The following PTPN14 variants were observed in gnomAD, a reference collection of about 807,000 sequenced individuals.
PTPN14 encodes the protein protein tyrosine phosphatase non-receptor type 14, also known as tyrosine-protein phosphatase non-receptor type 14.
Under a neutral mutation model 126.8 loss-of-function variants are expected in PTPN14, and 53 were observed. That is an observed-to-expected ratio of 0.42 (90% CI 0.34 to 0.53). PTPN14 has a LOEUF of 0.53. Among genes scored for constraint, PTPN14 ranks in the 20% least tolerant of loss-of-function variants. The pLI is 0.08. For synonymous variants in PTPN14, 630 were observed against 599.3 expected, an observed-to-expected ratio of 1.05 and a Z score of -0.75; for missense variants, 1,257 against 1,552.9, an observed-to-expected ratio of 0.81 and a Z score of 3.20.
At chr1:214,483,429 G>A (rs1400077939) in intron 1 of PTPN14, 31 of 1,302,686 alleles carry the variant, frequency 2.4e-5, no homozygotes, top group African/African-American at 1.9e-4. Flanking sequence ...TGGCCAGGGC[G>A]GGAGCGGGCG....
At chr1:214,363,177 T>G (rs142184360) in intron 18 of PTPN14, among the ~76,000 whole-genome samples, 1 of 152,364 alleles carries the variant, frequency 6.6e-6, no homozygotes, top group East Asian at 1.9e-4. Context: ...AACATTTCGC[T>G]CAAGCTTTGT....
chr1:214,374,620 G>C (rs569237982), intron 15 of PTPN14, among the ~76,000 whole-genome samples: 10 of 152,304 alleles, frequency 6.6e-5, no homozygotes, highest in South Asian at 2.1e-4. Flanking sequence ...TGGAACCCAG[G>C]GGGGAAAACA....
chr1:214,496,387 C>T (rs1183571318), intron 1 of PTPN14, among the ~76,000 whole-genome samples: 1 of 152,138 alleles, frequency 6.6e-6, no homozygotes, highest in Non-Finnish European at 1.5e-5. Flanking sequence ...AGCCAAGGTC[C>T]TCAGGGGCAA....
In PTPN14 at chr1:214,393,792, G is replaced by A; in HGVS notation, c.847-15C>T. 1 of 1,547,694 alleles carries A rather than the reference G, an allele frequency of 6.5e-7. No individual in the cohort carries two copies. Among genetic ancestry groups the A allele is most frequent in the Non-Finnish European group, 8.9e-7 (1 of 1,120,670 alleles). On this transcript the variant is annotated splice_polypyrimidine_tract_variant and intron_variant, in intron 9 of 18. Coordinates refer to ENST00000366956, the MANE Select transcript of PTPN14 (RefSeq NM_005401.5). ...TCGATATCATCCTTGGAAAAGAAGA[G>A]ACAGAGAAAAAAATAAACATTTGTT... is the stretch of plus-strand genomic sequence containing the variant.
chr1:214,536,629 T>A (rs1326738019), intron 1 of PTPN14, among the ~76,000 whole-genome samples: 1 of 150,536 alleles, frequency 6.6e-6, no homozygotes, highest in Non-Finnish European at 1.5e-5. Flanking sequence ...TACAAAAAAA[T>A]AAAAAATTAG....
At chr1:214,451,534 A>G (rs1660272676) in intron 3 of PTPN14, among the ~76,000 whole-genome samples, 1 of 152,086 alleles carries the variant, frequency 6.6e-6, no homozygotes, top group African/African-American at 2.4e-5. Flanking sequence ...GAATATTTCC[A>G]CGCTGCTAGA....
chr1:214,512,602 G>A (rs2102445824), intron 1 of PTPN14, among the ~76,000 whole-genome samples: 1 of 152,274 alleles, frequency 6.6e-6, no homozygotes, highest in South Asian at 2.1e-4. Context: ...TTTGCAAGAT[G>A]AAAATTTCTG....
At chr1:214,379,219 C>G (rs1163340261) in intron 13 of PTPN14, among the ~76,000 whole-genome samples, 1 of 152,298 alleles carries the variant, frequency 6.6e-6, no homozygotes, top group African/African-American at 2.4e-5. Flanking sequence ...ATTCATTTGA[C>G]TGACACAGAT....
intron 11 of PTPN14, among the ~76,000 whole-genome samples, chr1:214,387,684 A>C (rs1015303774): frequency 3.3e-5 from 5 of 151,742 alleles, no homozygotes; most frequent in African/African-American, 1.2e-4. Flanking sequence ...CAAAAAAAAA[A>C]AAAAAAAGAA....
At chr1:214,377,827 TG>T (rs902546765) in intron 14 of PTPN14, 131 bp downstream of exon 14, 2 of 1,151,708 alleles carry the variant, frequency 1.7e-6, no homozygotes, top group Non-Finnish European at 2.5e-6. Flanking sequence ...CAGTTATACC[TG>T]ATCTTCCTAA....
At chr1:214,451,696 C>T (rs1660275282) in intron 3 of PTPN14, 109 bp downstream of exon 3, 1 of 1,301,106 alleles carries the variant, frequency 7.7e-7, no homozygotes, top group Non-Finnish European at 1.1e-6. Context: ...CCACCACACA[C>T]CCGCACCCAC....
intron 3 of PTPN14, among the ~76,000 whole-genome samples, chr1:214,419,948 T>A (rs574850622): frequency 1.3e-5 from 2 of 152,264 alleles, no homozygotes; most frequent in East Asian, 1.9e-4. Flanking sequence ...CCTCCCTCCA[T>A]CCCTCTATCC....
chr1:214,425,783 C>T (rs1659648084), intron 3 of PTPN14, among the ~76,000 whole-genome samples: 1 of 152,104 alleles, frequency 6.6e-6, no homozygotes, highest in African/African-American at 2.4e-5. Flanking sequence ...TAGTTATTAA[C>T]AATGATAGCC....
At chr1:214,465,128 G>A (rs1398205420) in intron 1 of PTPN14, among the ~76,000 whole-genome samples, 171 bp from the exon 2 acceptor site, 3 of 151,376 alleles carry the variant, frequency 2.0e-5, no homozygotes, top group Admixed American at 6.7e-5. Flanking sequence ...CAGAGCCCAT[G>A]CCCTATGCCT....
chr1:214,422,483 C>A (rs972566216), intron 3 of PTPN14, among the ~76,000 whole-genome samples: 1 of 152,162 alleles, frequency 6.6e-6, no homozygotes, highest in Non-Finnish European at 1.5e-5. Flanking sequence ...TATGTCTTGA[C>A]TCATCAGCTC....
At position 214,397,993 on chromosome 1, in the gene PTPN14, A is replaced by G; in HGVS notation, c.678T>C (p.His226=). The change falls in exon 8 of 19, where the codon CAT becomes CAC. Residue 226 remains histidine, a synonymous_variant. Transcript: ENST00000366956. ...AAATGCCAAGGTGTACACAGTTTCC[A>G]TGATTGTCCTGGGTAAGACCAACAA... is the stretch of plus-strand genomic sequence containing the variant. ...GQEIFPVKDN[H]GNCVHLGIFF... is the part of the protein sequence containing the mutation. 9 of 1,611,248 alleles carry G rather than the reference A, an allele frequency of 5.6e-6. No individual in the cohort carries two copies. Among genetic ancestry groups the G allele is most frequent in the Non-Finnish European group, 7.6e-6 (9 of 1,177,452 alleles).
intron 1 of PTPN14, among the ~76,000 whole-genome samples, chr1:214,486,593 T>C (rs1298349175): frequency 6.6e-6 from 1 of 152,112 alleles, no homozygotes; most frequent in Admixed American, 6.6e-5. Context: ...AGGAACAAAG[T>C]TGCTAGACTA....
At chr1:214,526,189 C>A (rs893017914) in intron 1 of PTPN14, among the ~76,000 whole-genome samples, 2 of 152,082 alleles carry the variant, frequency 1.3e-5, no homozygotes, top group African/African-American at 4.8e-5. Context: ...TGGTCTCGAA[C>A]TCCTGACTTC....
At chr1:214,463,412 C>T (rs894278231) in intron 2 of PTPN14, among the ~76,000 whole-genome samples, 3 of 152,172 alleles carry the variant, frequency 2.0e-5, no homozygotes, top group Non-Finnish European at 4.4e-5. Context: ...TACATATATC[C>T]ATTGTCCAAG....
Sources: gnomAD v4.1 joint callset for allele counts (sites outside exome capture counted in the v4.1 genomes callset) on GRCh38, gnomAD v4.1.1 for gene constraint, MANE v1.5 for transcripts, NCBI Gene and HGNC (gene_info 2026-07-23, HGNC 2026-07-21) for gene names.